APAF1: variants seen among roughly 807,000 people sequenced by gnomAD.
The protein encoded by APAF1 is apoptotic peptidase activating factor 1, also known as apoptotic protease-activating factor 1.
Under a neutral mutation model 152.4 loss-of-function variants are expected in APAF1, and 91 were observed. That is an observed-to-expected ratio of 0.60 (90% CI 0.50 to 0.71). The LOEUF (loss-of-function observed/expected upper bound fraction) is 0.71. Ranked by LOEUF, APAF1 falls within the 30% of genes least tolerant of loss-of-function variation. APAF1 has a pLI of 0.00. For synonymous variants in APAF1, 484 were observed against 494.1 expected, an observed-to-expected ratio of 0.98 and a Z score of 0.27; for missense variants, 1,283 against 1,472.0, an observed-to-expected ratio of 0.87 and a Z score of 2.10.
intron 4 of APAF1, among the ~76,000 whole-genome samples, chr12:98,650,470 G>C (rs1301534661): frequency 6.6e-6 from 1 of 151,494 alleles, no homozygotes; most frequent in East Asian, 1.9e-4. Flanking sequence ...TGGTCAACAA[G>C]AGCAAGACTC....
chr12:98,646,322 A>G (rs1287373012), intron 1 of APAF1, among the ~76,000 whole-genome samples: 1 of 152,228 alleles, frequency 6.6e-6, no homozygotes, highest in Non-Finnish European at 1.5e-5. Flanking sequence ...ACATTTTAAA[A>G]AATGAGAGTT....
At chr12:98,695,041 T>G (rs970763849) in intron 16 of APAF1, among the ~76,000 whole-genome samples, 1 of 152,064 alleles carries the variant, frequency 6.6e-6, no homozygotes, top group Admixed American at 6.5e-5. Context: ...TTTTCTCTTT[T>G]TTCTTTTTCT....
chr12:98,692,256 G>T (rs1261016728), intron 16 of APAF1, among the ~76,000 whole-genome samples: 1 of 151,972 alleles, frequency 6.6e-6, no homozygotes, highest in African/African-American at 2.4e-5. Flanking sequence ...CTAATTTTTT[G>T]TATTTTTGAG....
At chr12:98,653,600 C>T (rs1422049726) in intron 4 of APAF1, among the ~76,000 whole-genome samples, 2 of 130,518 alleles carry the variant, frequency 1.5e-5, no homozygotes, top group African/African-American at 3.0e-5. Context: ...GAGGTTGCAG[C>T]GAGCCAAGAT....
intron 7 of APAF1, among the ~76,000 whole-genome samples, chr12:98,665,278 A>ATATATATTT (rs1491316422): frequency 4.5e-4 from 30 of 65,984 alleles, no homozygotes; most frequent in African/African-American, 1.5e-3. Flanking sequence ...ATATATATAT[A>ATATATATTT]TTTTTTTTTT....
rs762601497 is a variant in APAF1, at chr12:98,648,407, G to A, written c.48G>A (p.Leu16=). Residue 16 remains leucine (L), a synonymous_variant, in exon 2 of 27, where the codon CTG becomes CTA. Coordinates refer to ENST00000551964, the MANE Select transcript of APAF1 (RefSeq NM_181861.2). ...GTTTGCTTCAACATAGAGAAGCTCT[G>A]GAAAAGGACATCAAGACATCCTACA... is the stretch of plus-strand genomic sequence containing the variant. ...RNCLLQHREA[L]EKDIKTSYIM... 1.2e-6 allele frequency: 2 copies of A among 1,613,976 alleles called. No individual in the cohort carries two copies. The highest frequency in any genetic ancestry group is 1.7e-6 in the Non-Finnish European group (2 of 1,180,008).
intron 16 of APAF1, among the ~76,000 whole-genome samples, chr12:98,687,232 G>A (rs1351144561): frequency 6.6e-6 from 1 of 151,992 alleles, no homozygotes; most frequent in Admixed American, 6.6e-5. Context: ...GTGTGGTGGT[G>A]AGTGCCTGTA....
intron 16 of APAF1, among the ~76,000 whole-genome samples, chr12:98,695,362 C>CCTT (rs532047525): frequency 7.8e-5 from 11 of 141,856 alleles, no homozygotes; most frequent in South Asian, 2.3e-4. Context: ...CGCCCCCCCC[C>CCTT]TTTTTTTTTT....
chr12:98,680,915 G>T (rs1260193147), intron 14 of APAF1, among the ~76,000 whole-genome samples: 2 of 152,176 alleles, frequency 1.3e-5, no homozygotes, highest in African/African-American at 2.4e-5. Context: ...GATTCCTGTT[G>T]TAAGATACAA....
chr12:98,712,223 G>A lies in APAF1; in HGVS notation c.2842-96G>A. 3.9e-6 allele frequency: 3 copies of A among 768,118 alleles called. No homozygotes were observed. In the South Asian group the frequency reaches 4.1e-5, roughly 11 times the overall value. The allele number at this position is 768,118 out of a possible 1,614,324, so 47.6% of individuals were successfully genotyped here. ...TGAGAGCTCTTGTTGGTTATTTTCT[G>A]TGTTTTATTTTATTTTTTTCAATTG... is the stretch of plus-strand genomic sequence containing the variant. On this transcript the variant is annotated intron_variant, in intron 20 of 26. Coordinates refer to ENST00000551964, the MANE Select transcript of APAF1 (RefSeq NM_181861.2).
At chr12:98,682,096 C>T (rs1049070731) in intron 14 of APAF1, among the ~76,000 whole-genome samples, 1 of 150,200 alleles carries the variant, frequency 6.7e-6, no homozygotes, top group African/African-American at 2.5e-5. Context: ...CTCTTTCGCC[C>T]AGGTTGAACT....
Position 98,727,290 on chromosome 12 carries a change from C to T in APAF1, c.3574C>T (p.Leu1192Phe). ...TTGCTTTTCTCCAGATGGCAAAATG[C>T]TTATCTCTGCTGGAGGATATATTAA... ...DLCFSPDGKM[L>F]ISAGGYIKWW... is the part of the protein sequence containing the mutation. The change falls in exon 26 of 27, where the codon CTT becomes TTT. Residue 1192 changes from leucine (L) to phenylalanine (F), a missense_variant. Leu to Phe is a conservative substitution (Grantham distance 22). Transcript: ENST00000551964. 1 of 1,614,098 alleles carries T rather than the reference C, an allele frequency of 6.2e-7. No homozygotes were observed. Among genetic ancestry groups the T allele is most frequent in the Non-Finnish European group, 8.5e-7 (1 of 1,180,008 alleles).
At chr12:98,722,630 G>A (rs1396804121) in intron 22 of APAF1, among the ~76,000 whole-genome samples, 1 of 152,036 alleles carries the variant, frequency 6.6e-6, no homozygotes, top group East Asian at 1.9e-4. Flanking sequence ...TTATGTCTGA[G>A]GAGCTCCTCC....
At position 98,734,507 on chromosome 12, in the gene APAF1, ATAG is replaced by A. The variant is rs1324526399; in HGVS notation, c.*1945_*1947del. The A allele has an allele frequency of 1.3e-5, 2 of 152,616 alleles. No individual in the cohort carries two copies. The highest frequency in any genetic ancestry group is 2.4e-5 in the African/African-American group (1 of 41,446). 9.5% of individuals were successfully genotyped at this position (152,616 alleles called of 1,614,324 possible). On this transcript the variant is annotated 3_prime_UTR_variant, in exon 27 of 27. Transcript: ENST00000551964. ...CTAAATCAAATGATTACTAGTGTTA[ATAG>A]TAGATAACTTGTTTTTATTGTTGGT...
intron 19 of APAF1, among the ~76,000 whole-genome samples, chr12:98,707,709 T>TAC (rs2097723120): frequency 6.7e-6 from 1 of 149,860 alleles, no homozygotes; most frequent in East Asian, 2.0e-4. Context: ...TATATATATA[T>TAC]ATACATATAA....
Position 98,648,324 on chromosome 12 carries a change from G to A in APAF1, c.-36G>A. On this transcript the variant is annotated 5_prime_UTR_variant, in exon 2 of 27. The change abolishes an upstream ATG in the 5' untranslated region. Transcript: ENST00000551964. ...TTTTGGTGTTTTGGCTGTAGCTCATGGTTGACAGCTCAGAGAGAGAAAGAT... is the reference window on the plus strand; with the variant it reads ...TTTTGGTGTTTTGGCTGTAGCTCATAGTTGACAGCTCAGAGAGAGAAAGAT... The A allele has an allele frequency of 6.2e-7, 1 of 1,613,570 alleles. No individual in the cohort carries two copies. Among genetic ancestry groups the A allele is most frequent in the East Asian group, 2.2e-5 (1 of 44,842 alleles).
intron 15 of APAF1, among the ~76,000 whole-genome samples, chr12:98,684,794 A>G (rs1319481724): frequency 6.6e-6 from 1 of 152,148 alleles, no homozygotes; most frequent in East Asian, 1.9e-4. Flanking sequence ...TGCTTTTGGC[A>G]TTTTGTAGGT....
chr12:98,667,544 A>G lies in APAF1; in HGVS notation c.1394A>G (p.Gln465Arg), dbSNP rs76732147. 4.8e-5 allele frequency: 78 copies of G among 1,614,040 alleles called. No homozygotes were observed. The highest frequency in any genetic ancestry group is 6.4e-5 in the Non-Finnish European group (75 of 1,179,994). The change falls in exon 10 of 27, where the codon CAG (glutamine) becomes CGG (arginine). Residue 465 changes from glutamine to arginine, a missense_variant. By Grantham distance (43) the Gln-to-Arg change is conservative. Coordinates refer to ENST00000551964, the MANE Select transcript of APAF1 (RefSeq NM_181861.2). ...CATAAGAAGATAATCACTCAGTTTCAGAGATATCACCAGCCGCATACTCTT... is the reference window on the plus strand; with the variant it reads ...CATAAGAAGATAATCACTCAGTTTCGGAGATATCACCAGCCGCATACTCTT... The part of the protein sequence containing the change: ...DLHKKIITQF[Q>R]RYHQPHTLSP...
intron 14 of APAF1, among the ~76,000 whole-genome samples, chr12:98,682,318 G>C (rs1357985160): frequency 2.0e-5 from 3 of 152,202 alleles, no homozygotes; most frequent in East Asian, 3.9e-4. Flanking sequence ...CTCCCAAAGT[G>C]CTGGGATTAC....
Sources: gnomAD v4.1 joint callset for allele counts (sites outside exome capture counted in the v4.1 genomes callset) on GRCh38, gnomAD v4.1.1 for gene constraint, MANE v1.5 for transcripts, NCBI Gene and HGNC (gene_info 2026-07-23, HGNC 2026-07-21) for gene names.